The following PTPRD variants were observed in gnomAD, a reference collection of about 807,000 sequenced individuals.
PTPRD encodes the protein protein tyrosine phosphatase receptor type D.
PTPRD carries 34 observed loss-of-function variants against 214.5 expected under a neutral mutation model. That is an observed-to-expected ratio of 0.16 (90% CI 0.12 to 0.21). PTPRD has a LOEUF of 0.21. PTPRD is among the 10% of genes least tolerant of loss of function. PTPRD has a pLI of 1.00. For synonymous variants in PTPRD, 1,128 were observed against 845.7 expected (o/e 1.33, Z -5.79); for missense variants, 2,545 against 2,398.7 (o/e 1.06, Z -1.27).
chr9:9,508,393 A>AT (rs915465885), intron 8 of PTPRD, among the ~76,000 whole-genome samples: 1 of 151,648 alleles, frequency 6.6e-6, no homozygotes, highest in Non-Finnish European at 1.5e-5. Flanking sequence ...GTGAGTAGAA[A>AT]TTACATGGCT....
chr9:9,626,187 CTAGACAG>C (rs1281315771), intron 7 of PTPRD, among the ~76,000 whole-genome samples: 1 of 152,222 alleles, frequency 6.6e-6, no homozygotes, highest in Non-Finnish European at 1.5e-5. Context: ...CCACTCTCCA[CTAGACAG>C]AGCAGATGCC....
At chr9:8,911,786 T>C (rs1264928650) in intron 11 of PTPRD, among the ~76,000 whole-genome samples, 5 of 152,160 alleles carry the variant, frequency 3.3e-5, no homozygotes, top group South Asian at 2.1e-4. Context: ...AGAGGAATTA[T>C]ATCCAAAAGA....
At chr9:8,906,866 C>T (rs2154256799) in intron 11 of PTPRD, among the ~76,000 whole-genome samples, 1 of 152,070 alleles carries the variant, frequency 6.6e-6, no homozygotes, top group African/African-American at 2.4e-5. Flanking sequence ...TCTACACATC[C>T]CCGGCTGACT....
At chr9:9,458,295 A>G (rs913080106) in intron 8 of PTPRD, among the ~76,000 whole-genome samples, 1 of 152,058 alleles carries the variant, frequency 6.6e-6, no homozygotes, top group Non-Finnish European at 1.5e-5. Context: ...CATTATTATA[A>G]AGAAAATAAA....
chr9:9,524,036 G>A (rs1007962281), intron 8 of PTPRD, among the ~76,000 whole-genome samples: 1 of 152,150 alleles, frequency 6.6e-6, no homozygotes, highest in African/African-American at 2.4e-5. Flanking sequence ...GGCAGTGAAT[G>A]CAAAACAGAA....
chr9:9,886,023 A>G (rs2070761507), intron 5 of PTPRD, among the ~76,000 whole-genome samples: 1 of 152,022 alleles, frequency 6.6e-6, no homozygotes, highest in Non-Finnish European at 1.5e-5. Flanking sequence ...GAAAAGGATA[A>G]ACAGTGCCAA....
intron 9 of PTPRD, among the ~76,000 whole-genome samples, chr9:9,190,365 A>G (rs978430166): frequency 6.6e-6 from 1 of 152,004 alleles, no homozygotes; most frequent in African/African-American, 2.4e-5. Flanking sequence ...AGTATTTCCC[A>G]TGCTATTCTT....
chr9:8,520,550 G>T (rs770038313), intron 20 of PTPRD, among the ~76,000 whole-genome samples: 4 of 151,964 alleles, frequency 2.6e-5, no homozygotes, highest in Non-Finnish European at 5.9e-5. Flanking sequence ...GAAAACTTAA[G>T]TTGCCCTATG....
chr9:9,682,850 C>T (rs2097100366), intron 7 of PTPRD, among the ~76,000 whole-genome samples: 1 of 151,732 alleles, frequency 6.6e-6, no homozygotes, highest in South Asian at 2.1e-4. Context: ...CTCAGTTCCA[C>T]AAATACTCCA....
chr9:10,276,771 A>G (rs2094716065), intron 3 of PTPRD, among the ~76,000 whole-genome samples: 1 of 152,176 alleles, frequency 6.6e-6, no homozygotes, highest in Non-Finnish European at 1.5e-5. Flanking sequence ...AAAGTAAAGT[A>G]CTCTTATTGT....
intron 9 of PTPRD, among the ~76,000 whole-genome samples, chr9:9,311,966 T>TA (rs1156392269): frequency 1.3e-5 from 2 of 152,210 alleles, no homozygotes; most frequent in Non-Finnish European, 2.9e-5. Context: ...CATTATAAAT[T>TA]ATGCTAAATG....
At chr9:8,741,705 C>G (rs897446087) in intron 11 of PTPRD, among the ~76,000 whole-genome samples, 7 of 150,442 alleles carry the variant, frequency 4.7e-5, no homozygotes, top group African/African-American at 1.7e-4. Context: ...ATTCTCCTGC[C>G]TCAGCCTCCT....
At chr9:8,917,638 G>T (rs1441717252) in intron 11 of PTPRD, among the ~76,000 whole-genome samples, 1 of 151,944 alleles carries the variant, frequency 6.6e-6, no homozygotes, top group African/African-American at 2.4e-5. Flanking sequence ...AACTCTTGTT[G>T]TCCTCTGTAT....
rs751311350 is a variant in PTPRD at position 8,341,082 on chromosome 9, G to A, written c.5126+8C>T. 3 of 1,583,808 alleles carry A rather than the reference G, an allele frequency of 1.9e-6. No individual in the cohort carries two copies. Among genetic ancestry groups the A allele is most frequent in the Non-Finnish European group, 2.6e-6 (3 of 1,165,774 alleles). ...GCTTTGGATAGTCAGGGGAGCAAAAGTAGATACCTGTATCCATCAATAAAA... is the reference window on the plus strand; with the variant it reads ...GCTTTGGATAGTCAGGGGAGCAAAAATAGATACCTGTATCCATCAATAAAA... On this transcript the variant is annotated splice_region_variant and intron_variant, in intron 41 of 45. Transcript: ENST00000381196.
intron 2 of PTPRD, among the ~76,000 whole-genome samples, chr9:10,604,699 G>C (rs1236669466): frequency 6.6e-6 from 1 of 151,802 alleles, no homozygotes; most frequent in Non-Finnish European, 1.5e-5. Flanking sequence ...CAGAGGAGTT[G>C]CCACTGGAAT....
intron 3 of PTPRD, among the ~76,000 whole-genome samples, chr9:10,132,236 A>G (rs1228413917): frequency 2.0e-5 from 3 of 152,310 alleles, no homozygotes; most frequent in Admixed American, 6.5e-5. Context: ...TCCAGAAATT[A>G]TAAGTTTCCT....
intron 8 of PTPRD, among the ~76,000 whole-genome samples, chr9:9,508,768 A>G (rs1395485599): frequency 6.6e-6 from 1 of 151,496 alleles, no homozygotes; most frequent in Non-Finnish European, 1.5e-5. Flanking sequence ...CCCTGCTCTT[A>G]TCTCCTTCCT....
At chr9:8,560,207 A>C (rs755607902) in intron 14 of PTPRD, among the ~76,000 whole-genome samples, 3 of 152,178 alleles carry the variant, frequency 2.0e-5, no homozygotes, top group Non-Finnish European at 2.9e-5. Context: ...ATAATCTCTC[A>C]ATTCAAAAAA....
At chr9:8,906,053 G>T (rs2154255885) in intron 11 of PTPRD, among the ~76,000 whole-genome samples, 1 of 152,204 alleles carries the variant, frequency 6.6e-6, no homozygotes, top group South Asian at 2.1e-4. Flanking sequence ...TACGTCCAAA[G>T]CTCAGAGAGA....
Sources: gnomAD v4.1 joint callset for allele counts (sites outside exome capture counted in the v4.1 genomes callset) on GRCh38, gnomAD v4.1.1 for gene constraint, MANE v1.5 for transcripts, NCBI Gene and HGNC (gene_info 2026-07-23, HGNC 2026-07-21) for gene names.